CAND1: variants seen among roughly 807,000 people sequenced by gnomAD.
CAND1 encodes the protein cullin-associated NEDD8-dissociated protein 1.
CAND1 carries 7 observed loss-of-function variants against 108.5 expected under a neutral mutation model. That is an observed-to-expected ratio of 0.06 (90% confidence interval 0.04 to 0.12). The LOEUF (loss-of-function observed/expected upper bound fraction) is 0.12. CAND1 is among the 10% of genes least tolerant of loss of function. The probability of loss-of-function intolerance (pLI) is 1.00; values close to 1 mark genes in which losing one functional copy is unlikely to be tolerated. For missense variants in CAND1, 941 were observed against 1,448.7 expected, an observed-to-expected ratio of 0.65 and a Z score of 5.69; for synonymous variants, 534 against 512.0, an observed-to-expected ratio of 1.04 and a Z score of -0.58.
Position 67,269,622 on chromosome 12 carries a change from G to T in CAND1, c.-96G>T. The T allele has an allele frequency of 1.8e-6, 2 of 1,083,176 alleles. No individual in the cohort carries two copies. The highest frequency in any genetic ancestry group is 2.7e-6 in the Non-Finnish European group (2 of 743,592). The allele number at this position is 1,083,176 out of a possible 1,614,324, so 67.1% of individuals were successfully genotyped here. A position where few individuals can be genotyped will look rare whatever the true frequency, so the allele number is the denominator to read the frequency against. On this transcript the variant is annotated 5_prime_UTR_variant, in exon 1 of 15. Coordinates refer to ENST00000545606, the MANE Select transcript of CAND1 (RefSeq NM_018448.5). ...CGACCCTGGAAGCGGGAGCCGCCGC[G>T]AGCGAGAGGAGGAGCTCCAGTGGCG...
In CAND1 at chr12:67,306,539, A is replaced by G. The variant is rs2044887730; in HGVS notation, c.2871A>G (p.Lys957=). 3 of 1,613,716 alleles carry G rather than the reference A, an allele frequency of 1.9e-6. No individual in the cohort carries two copies. The highest frequency in any genetic ancestry group is 2.5e-6 in the Non-Finnish European group (3 of 1,179,870). Residue 957 remains lysine (K), a synonymous_variant, in exon 10 of 15, where the codon AAA becomes AAG. Coordinates refer to ENST00000545606, the MANE Select transcript of CAND1 (RefSeq NM_018448.5). ...ATGTTGTTGCTGAATGTCTAGGAAAACTCACTCTAATTGATCCAGAAACTC... is the reference window on the plus strand; with the variant it reads ...ATGTTGTTGCTGAATGTCTAGGAAAGCTCACTCTAATTGATCCAGAAACTC... The part of the protein sequence containing the change: ...TRNVVAECLG[K]LTLIDPETLL...
intron 1 of CAND1, chr12:67,270,015 C>G (rs1480864218): frequency 2.0e-6 from 1 of 504,932 alleles, no homozygotes; most frequent in East Asian, 3.6e-5. Flanking sequence ...GCCGCGGTCT[C>G]TAGGCCCCGT....
chr12:67,317,589 TCTC>T lies in CAND1; in HGVS notation c.*4762_*4764del, dbSNP rs1460514087. Reference sequence around the variant, plus strand: ...CCTCTGCCTCCCGGGTTCTAGCTATTCTCCTGCCTCAGCCTCCCAAGTAGCTGT... The same window carrying T: ...CCTCTGCCTCCCGGGTTCTAGCTATTCTGCCTCAGCCTCCCAAGTAGCTGT... On this transcript the variant is annotated 3_prime_UTR_variant, in exon 15 of 15. Coordinates refer to ENST00000545606, the MANE Select transcript of CAND1 (RefSeq NM_018448.5). The T allele has an allele frequency of 1.3e-5, 2 of 151,526 alleles. No homozygotes were observed. Among genetic ancestry groups the T allele is most frequent in the Non-Finnish European group, 1.5e-5 (1 of 68,002 alleles). The allele number at this position is 151,526 out of a possible 1,614,324, so 9.4% of individuals were successfully genotyped here.
chr12:67,290,155 C>G (rs1394889350), intron 2 of CAND1, among the ~76,000 whole-genome samples: 1 of 152,196 alleles, frequency 6.6e-6, no homozygotes, highest in Non-Finnish European at 1.5e-5. Flanking sequence ...GTTTTAGTCT[C>G]TGTTCTTTAC....
chr12:67,295,391 A>C (rs917896410), intron 4 of CAND1, among the ~76,000 whole-genome samples: 1 of 152,140 alleles, frequency 6.6e-6, no homozygotes, highest in African/African-American at 2.4e-5. Flanking sequence ...TAATTAATAA[A>C]ATTTGTGATT....
chr12:67,305,332 A>C lies in CAND1; in HGVS notation c.1664A>C (p.Gln555Pro). 6.2e-7 allele frequency: 1 copy of C among 1,614,158 alleles called. No individual in the cohort carries two copies. Among genetic ancestry groups the C allele is most frequent in the Non-Finnish European group, 8.5e-7 (1 of 1,179,994 alleles). Residue 555 changes from glutamine to proline, a missense_variant, in exon 10 of 15, where the codon CAG (glutamine) becomes CCG (proline). This residue lies in a region of CAND1 where 697 missense variants were observed against 942.0 expected (regional missense o/e 0.74). Coordinates refer to ENST00000545606, the MANE Select transcript of CAND1 (RefSeq NM_018448.5). This position sits in a 1 kb window ranked among gnomAD's most constrained non-coding sequence, Gnocchi z 4.4. Reference protein sequence around the residue: ...QLVKVIRPLDQPSSFDATPYI... With the variant: ...QLVKVIRPLDPPSSFDATPYI... ...GTCAAAGTAATTCGTCCTTTAGATC[A>C]GCCTTCCTCGTTTGATGCAACTCCT...
At chr12:67,273,865 A>G (rs1375446563) in intron 1 of CAND1, among the ~76,000 whole-genome samples, 30 of 152,176 alleles carry the variant, frequency 2.0e-4, no homozygotes, top group Admixed American at 2.0e-3. Context: ...TTATCTTTCT[A>G]TATATAATAG....
Position 67,299,060 on chromosome 12 carries a change from C to G in CAND1, c.965C>G (p.Ala322Gly), listed in dbSNP as rs1379783956. ...GATGATGAAGATGAAGATGAAAATG[C>G]AATGGATGCTGATGGTGGTGATGAT... Reference protein sequence around the residue: ...NYDDEDEDENAMDADGGDDDD... With the variant: ...NYDDEDEDENGMDADGGDDDD... The change falls in exon 7 of 15, where the codon GCA (alanine) becomes GGA (glycine). Residue 322 changes from alanine (A) to glycine (G), a missense_variant. Ala to Gly is a moderately conservative substitution (Grantham distance 60). Coordinates refer to ENST00000545606, the MANE Select transcript of CAND1 (RefSeq NM_018448.5). The G allele has an allele frequency of 1.3e-6, 2 of 1,511,196 alleles. No homozygotes were observed. The highest frequency in any genetic ancestry group is 1.4e-5 in the African/African-American group (1 of 72,140). 93.6% of individuals were successfully genotyped at this position (1,511,196 alleles called of 1,614,324 possible). A position where few individuals can be genotyped will look rare whatever the true frequency, so the allele number is the denominator to read the frequency against.
intron 4 of CAND1, 27 bp downstream of exon 4, chr12:67,295,183 C>T (rs756528616): frequency 7.0e-6 from 11 of 1,581,934 alleles, no homozygotes; most frequent in African/African-American, 1.4e-5. Context: ...ATTTCCGTTA[C>T]TCGTAATACA....
chr12:67,289,341 C>T (rs1223125574), intron 2 of CAND1, among the ~76,000 whole-genome samples: 1 of 151,090 alleles, frequency 6.6e-6, no homozygotes, highest in Non-Finnish European at 1.5e-5. Flanking sequence ...GCCCCAGCCT[C>T]CAGAGTAGCT....
chr12:67,305,409 A>G lies in CAND1; in HGVS notation c.1741A>G (p.Ile581Val). The G allele has an allele frequency of 6.2e-7, 1 of 1,614,042 alleles. No homozygotes were observed. The highest frequency in any genetic ancestry group is 8.5e-7 in the Non-Finnish European group (1 of 1,180,034). ...CATTAAGAGATTAAAAGCAGCTGAC[A>G]TTGATCAGGAAGTCAAGGAAAGGGC... is the stretch of plus-strand genomic sequence containing the variant. ...CTIKRLKAAD[I>V]DQEVKERAIS... The change falls in exon 10 of 15, where the codon ATT (isoleucine) becomes GTT (valine). Residue 581 changes from isoleucine to valine, a missense_variant. This residue lies in a region of CAND1 where 697 missense variants were observed against 942.0 expected (regional missense o/e 0.74). Coordinates refer to ENST00000545606, the MANE Select transcript of CAND1 (RefSeq NM_018448.5). The surrounding 1 kb of genome is among the most constrained non-coding windows in gnomAD (Gnocchi z 4.4).
chr12:67,278,846 C>G (rs946226773), intron 1 of CAND1, among the ~76,000 whole-genome samples: 1 of 152,156 alleles, frequency 6.6e-6, no homozygotes, highest in Non-Finnish European at 1.5e-5. Flanking sequence ...ATAACACTTT[C>G]CTTCATAGCA....
chr12:67,311,767 T>A lies in CAND1; in HGVS notation c.3435T>A (p.Leu1145=). 1 of 1,610,890 alleles carries A rather than the reference T, an allele frequency of 6.2e-7. No homozygotes were observed. Among genetic ancestry groups the A allele is most frequent in the Non-Finnish European group, 8.5e-7 (1 of 1,177,168 alleles). The part of the protein sequence containing the change: ...PSAVLQRLDR[L]VEPLRATCTT... ...CAGTACTGCAGAGGTTGGACCGACT[T>A]GTTGAGCCATTACGTGCAACATGTA... Residue 1145 remains leucine (L), a synonymous_variant, in exon 14 of 15, where the codon CTT becomes CTA. Transcript: ENST00000545606.
In CAND1 at chr12:67,318,934, A is replaced by G. The variant is rs1186514363; in HGVS notation, c.*6104A>G. The G allele has an allele frequency of 6.6e-6, 1 of 152,186 alleles. No individual in the cohort carries two copies. Among genetic ancestry groups the G allele is most frequent in the African/African-American group, 2.4e-5 (1 of 41,440 alleles). 9.4% of individuals were successfully genotyped at this position (152,186 alleles called of 1,614,324 possible). On this transcript the variant is annotated 3_prime_UTR_variant, in exon 15 of 15. Transcript: ENST00000545606. ...GTCTTGAGGAATGAGCTCTTAGAAGAATAGTTTTCAAATGAGTGTGCATCA... is the reference window on the plus strand; with the variant it reads ...GTCTTGAGGAATGAGCTCTTAGAAGGATAGTTTTCAAATGAGTGTGCATCA...
Position 67,315,444 on chromosome 12 carries a change from C to A in CAND1, c.*2614C>A, listed in dbSNP as rs1304666123. The A allele has an allele frequency of 2.0e-4, 23 of 115,660 alleles. 1 individual carries two copies. Among genetic ancestry groups the A allele is most frequent in the Admixed American group, 2.0e-3 (20 of 10,116 alleles). 7.2% of individuals were successfully genotyped at this position (115,660 alleles called of 1,614,324 possible). A position where few individuals can be genotyped will look rare whatever the true frequency, so the allele number is the denominator to read the frequency against. ...CTGGCCTGGGCAACAGAGCGAGAGT[C>A]TGTCTCAAAAAAAAAAAAAAAAAAA... On this transcript the variant is annotated 3_prime_UTR_variant, in exon 15 of 15. Transcript: ENST00000545606.
rs1000846353 is a variant in CAND1 at position 67,310,609 on chromosome 12, G to A, written c.3360+293G>A. On this transcript the variant is annotated intron_variant, in intron 13 of 14. Transcript: ENST00000545606. Reference sequence around the variant, plus strand: ...AGATCCTTTCCCTCAAAAAAGTCCCGACAGATTTTGCTGTTTAAAGTATAA... The same window carrying A: ...AGATCCTTTCCCTCAAAAAAGTCCCAACAGATTTTGCTGTTTAAAGTATAA... 7 of 197,106 alleles carry A rather than the reference G, an allele frequency of 3.6e-5. No individual in the cohort carries two copies. The East Asian group carries it at 5.8e-4, about 16-fold the overall frequency. 12.2% of individuals were successfully genotyped at this position (197,106 alleles called of 1,614,324 possible).
chr12:67,302,414 G>A lies in CAND1; in HGVS notation c.1092G>A (p.Arg364=). 6.2e-7 allele frequency: 1 copy of A among 1,614,058 alleles called. No individual in the cohort carries two copies. Among genetic ancestry groups the A allele is most frequent in the Non-Finnish European group, 8.5e-7 (1 of 1,179,938 alleles). Residue 364 remains arginine, a synonymous_variant, in exon 8 of 15, where the codon AGG becomes AGA. Transcript: ENST00000545606. ...AKCLDAVVST[R]HEMLPEFYKT... The stretch of plus-strand genomic sequence containing the variant: ...GCTTGGATGCTGTAGTTAGCACAAG[G>A]CATGAAATGCTTCCAGAATTCTACA...
chr12:67,311,223 G>A (rs954369551), intron 13 of CAND1: 1 of 134,128 alleles, frequency 7.5e-6, no homozygotes, highest in Non-Finnish European at 1.7e-5. Flanking sequence ...TATAGTCCAA[G>A]AGAAAAAGGT....
At chr12:67,300,584 C>T (rs2044815340) in intron 7 of CAND1, among the ~76,000 whole-genome samples, 1 of 152,130 alleles carries the variant, frequency 6.6e-6, no homozygotes, top group African/African-American at 2.4e-5. Context: ...ACACATCCCT[C>T]AGCTAGTCTT....
Sources: allele counts gnomAD v4.1 joint callset (sites outside exome capture counted in the v4.1 genomes callset), GRCh38; gene constraint gnomAD v4.1.1; regional missense constraint gnomAD v4.1.1; non-coding constraint Gnocchi (gnomAD v3.1); transcripts MANE v1.5; gene names NCBI Gene and HGNC (gene_info 2026-07-23, HGNC 2026-07-21).